The following SYT16 variants were observed in gnomAD, a reference collection of about 807,000 sequenced individuals.
SYT16 encodes synaptotagmin 16, also known as synaptotagmin-16.
In SYT16, 42 loss-of-function variants were observed where a neutral mutation model predicts 61.4. That is an observed-to-expected ratio of 0.68 (90% CI 0.53 to 0.89). The LOEUF (loss-of-function observed/expected upper bound fraction) is 0.89. Ranked by LOEUF, SYT16 falls within the 40% of genes least tolerant of loss-of-function variation. The pLI is 0.00. For missense variants in SYT16, 804 were observed against 807.3 expected (o/e 1.00, Z 0.05); for synonymous variants, 314 against 302.3 (o/e 1.04, Z -0.40).
At chr14:61,865,262 A>C in intron 1 of SYT16, 1 of 840,552 alleles carries the variant, frequency 1.2e-6, no homozygotes, top group Non-Finnish European at 2.0e-6. Flanking sequence ...GATGGAGGTG[A>C]GCATCTGTCT....
intron 1 of SYT16, among the ~76,000 whole-genome samples, chr14:61,852,280 G>T (rs1012346644): frequency 3.3e-5 from 5 of 152,068 alleles, no homozygotes; most frequent in African/African-American, 1.2e-4. Flanking sequence ...TGGTCTATGT[G>T]TCTGTTTTTG....
At chr14:61,961,598 T>C (rs976390927) in intron 1 of SYT16, among the ~76,000 whole-genome samples, 1 of 152,108 alleles carries the variant, frequency 6.6e-6, no homozygotes, top group Non-Finnish European at 1.5e-5. Flanking sequence ...ATGAATATTA[T>C]TAAAAAGTCA....
At chr14:61,886,558 C>T (rs780893827) in intron 1 of SYT16, among the ~76,000 whole-genome samples, 12 of 152,208 alleles carry the variant, frequency 7.9e-5, no homozygotes, top group Non-Finnish European at 1.6e-4. Flanking sequence ...CTGTAAGAAG[C>T]ACTTCTTCAT....
chr14:62,028,755 A>G (rs1420374221), intron 3 of SYT16, among the ~76,000 whole-genome samples: 1 of 152,152 alleles, frequency 6.6e-6, no homozygotes, highest in African/African-American at 2.4e-5. Context: ...TGCTGAAATA[A>G]ATACTCTTTT....
In SYT16 at chr14:62,052,499, A is replaced by G. The variant is rs75614978; in HGVS notation, c.524-17104A>G. On this transcript the variant is annotated intron_variant, in intron 3 of 7. Coordinates refer to ENST00000683842, the MANE Select transcript of SYT16 (RefSeq NM_001367656.1). ...ATTTTTGTAAATCTTCCACATATGC[A>G]TGCGATTACTATGTATACTTTGATT... 2.7e-3 allele frequency among the ~76,000 whole-genome samples: 411 copies of G among 152,302 alleles called. 8 individuals are homozygous for G. The East Asian group carries it at 0.055, about 20-fold the overall frequency.
At chr14:61,971,645 C>A (rs1308569526) in intron 2 of SYT16, among the ~76,000 whole-genome samples, 1 of 152,348 alleles carries the variant, frequency 6.6e-6, no homozygotes, top group African/African-American at 2.4e-5. Context: ...TTAGGAAATT[C>A]ACTTCTACTT....
intron 1 of SYT16, among the ~76,000 whole-genome samples, chr14:61,896,076 A>AT (rs200813166): frequency 0.026 from 3,730 of 141,978 alleles, 134 homozygotes; most frequent in African/African-American, 0.083. Flanking sequence ...CTTTGGAGCC[A>AT]TTTTTTTTTT....
At chr14:61,902,165 G>A (rs2048547188) in intron 1 of SYT16, among the ~76,000 whole-genome samples, 1 of 152,098 alleles carries the variant, frequency 6.6e-6, no homozygotes, top group Admixed American at 6.6e-5. Flanking sequence ...ACTCCTCCCT[G>A]TAGTTCTCTA....
chr14:61,820,801 G>A lies in SYT16; in HGVS notation c.-325+7991G>A, dbSNP rs185318575. Among the ~76,000 whole-genome samples, 168 of 152,216 alleles carry A rather than the reference G, an allele frequency of 1.1e-3. 1 individual carries two copies. Among genetic ancestry groups the A allele is most frequent in the African/African-American group, 3.2e-3 (131 of 41,548 alleles). On this transcript the variant is annotated intron_variant, in intron 1 of 7. Coordinates refer to ENST00000683842, the MANE Select transcript of SYT16 (RefSeq NM_001367656.1). The stretch of plus-strand genomic sequence containing the variant: ...AAAGCCCCTTCAATGATGTTGATAA[G>A]CCTGAAAAATTTCTGGCTGTTCCAT...
intron 1 of SYT16, among the ~76,000 whole-genome samples, chr14:61,955,668 A>G (rs2050847520): frequency 6.6e-6 from 1 of 151,676 alleles, no homozygotes; most frequent in South Asian, 2.1e-4. Context: ...TATATACCAC[A>G]TTTTCTTTAT....
At chr14:61,865,607 T>C (rs1360827783) in intron 1 of SYT16, among the ~76,000 whole-genome samples, 1 of 152,202 alleles carries the variant, frequency 6.6e-6, no homozygotes, top group African/African-American at 2.4e-5. Flanking sequence ...CAAAGATATA[T>C]TTATTTGCAT....
chr14:62,013,186 A>AT (rs752829047), intron 3 of SYT16, among the ~76,000 whole-genome samples: 10 of 152,196 alleles, frequency 6.6e-5, no homozygotes, highest in Non-Finnish European at 1.2e-4. Context: ...ATTTTTAAAT[A>AT]AAAGGTGATC....
intron 1 of SYT16, among the ~76,000 whole-genome samples, chr14:61,840,646 A>G (rs529883147): frequency 6.6e-6 from 1 of 152,178 alleles, no homozygotes; most frequent in African/African-American, 2.4e-5. Flanking sequence ...TCATAAAGCA[A>G]AAGTGTAGGG....
At chr14:62,080,532 T>G (rs1440492661) in intron 5 of SYT16, among the ~76,000 whole-genome samples, 1 of 152,234 alleles carries the variant, frequency 6.6e-6, no homozygotes, top group African/African-American at 2.4e-5. Flanking sequence ...GTTTCAATGA[T>G]CCTGGGCAAT....
intron 1 of SYT16, among the ~76,000 whole-genome samples, chr14:61,873,123 A>G (rs1425793058): frequency 6.6e-6 from 1 of 152,220 alleles, no homozygotes; most frequent in African/African-American, 2.4e-5. Flanking sequence ...TTATAGATAG[A>G]TCCTTCCTGG....
chr14:61,929,236 C>T (rs1033936221), intron 1 of SYT16, among the ~76,000 whole-genome samples: 3 of 152,206 alleles, frequency 2.0e-5, no homozygotes, highest in African/African-American at 7.2e-5. Flanking sequence ...GTCAAGGCTG[C>T]TCACTAACCC....
intron 3 of SYT16, among the ~76,000 whole-genome samples, chr14:62,002,898 AATGTATCCTTCAC>A (rs1442278024): frequency 6.6e-6 from 1 of 152,110 alleles, no homozygotes; most frequent in Non-Finnish European, 1.5e-5. Flanking sequence ...AGGGGAAGCA[AATGTATCCTTCAC>A]ATGACAGCAG....
intron 3 of SYT16, among the ~76,000 whole-genome samples, chr14:61,997,923 C>G (rs1241861072): frequency 6.6e-6 from 1 of 151,946 alleles, no homozygotes; most frequent in Non-Finnish European, 1.5e-5. Context: ...ATTGGAGCCT[C>G]CAGGAAGTCA....
intron 3 of SYT16, among the ~76,000 whole-genome samples, chr14:62,064,831 T>C (rs764569148): frequency 1.1e-4 from 16 of 152,200 alleles, no homozygotes; most frequent in Non-Finnish European, 1.5e-4. Flanking sequence ...TTAACATATG[T>C]CAAGCAGTAG....
Sources: gnomAD v4.1 joint callset for allele counts (sites outside exome capture counted in the v4.1 genomes callset) on GRCh38, gnomAD v4.1.1 for gene constraint, MANE v1.5 for transcripts, NCBI Gene and HGNC (gene_info 2026-07-23, HGNC 2026-07-21) for gene names.